Variants in CAB39L observed in about 807,000 individuals in gnomAD.
The protein encoded by CAB39L is calcium binding protein 39 like.
Under a neutral mutation model 39.1 loss-of-function variants are expected in CAB39L, and 23 were observed. The observed-to-expected ratio is 0.59, with a 90% CI of 0.42 to 0.83. CAB39L has a LOEUF of 0.83. Ranked by LOEUF, CAB39L falls within the 40% of genes least tolerant of loss-of-function variation. CAB39L has a pLI of 0.00. For missense variants in CAB39L, 366 were observed against 391.9 expected (o/e 0.93, Z 0.56); for synonymous variants, 126 against 137.2 (o/e 0.92, Z 0.57).
At chr13:49,361,706 T>C (rs1007574223) in intron 5 of CAB39L, among the ~76,000 whole-genome samples, 1 of 152,160 alleles carries the variant, frequency 6.6e-6, no homozygotes, top group African/African-American at 2.4e-5. Flanking sequence ...GCACCACATA[T>C]ACACAACATT....
At chr13:49,436,420 T>C (rs984013434) in intron 1 of CAB39L, among the ~76,000 whole-genome samples, 3 of 152,152 alleles carry the variant, frequency 2.0e-5, no homozygotes, top group African/African-American at 7.2e-5. Context: ...AATCACTTTC[T>C]ATTACTTTTT....
At chr13:49,439,214 C>T (rs1376015066) in intron 1 of CAB39L, among the ~76,000 whole-genome samples, 1 of 152,152 alleles carries the variant, frequency 6.6e-6, no homozygotes, top group Non-Finnish European at 1.5e-5. Flanking sequence ...GCTCTCATTG[C>T]ACCTCCTTCT....
intron 1 of CAB39L, among the ~76,000 whole-genome samples, chr13:49,437,687 G>C (rs1374231214): frequency 6.6e-6 from 1 of 152,134 alleles, no homozygotes; most frequent in Non-Finnish European, 1.5e-5. Flanking sequence ...CATTTTGCTA[G>C]CTATTAATGT....
intron 10 of CAB39L, among the ~76,000 whole-genome samples, chr13:49,312,229 A>T (rs6561518): frequency 0.035 from 5,359 of 152,154 alleles, 313 homozygotes; most frequent in African/African-American, 0.12. Context: ...AAGAAAAAAA[A>T]TTTTTTAAAT....
intron 3 of CAB39L, among the ~76,000 whole-genome samples, chr13:49,407,022 C>T (rs1956895128): frequency 6.6e-6 from 1 of 152,068 alleles, no homozygotes; most frequent in Non-Finnish European, 1.5e-5. Context: ...TTGTTATTCA[C>T]AATTGAAAGA....
At chr13:49,395,564 G>T (rs1310261078) in intron 3 of CAB39L, among the ~76,000 whole-genome samples, 2 of 151,952 alleles carry the variant, frequency 1.3e-5, no homozygotes, top group African/African-American at 2.4e-5. Context: ...ATTCAAACAT[G>T]ATTTCTTTGG....
At chr13:49,314,808 TACCTGA>T (rs1307974401) in intron 10 of CAB39L, among the ~76,000 whole-genome samples, 1 of 152,218 alleles carries the variant, frequency 6.6e-6, no homozygotes, top group Non-Finnish European at 1.5e-5. Flanking sequence ...ATGATAACAG[TACCTGA>T]GTGCCATTAG....
intron 3 of CAB39L, chr13:49,420,502 T>C (rs779252401): frequency 9.8e-5 from 15 of 152,298 alleles, no homozygotes; most frequent in Non-Finnish European, 1.8e-4. Flanking sequence ...TGCCAAACAG[T>C]ATAAAAGCTC....
Position 49,403,312 on chromosome 13 carries a change from T to A in CAB39L, c.-31-20371A>T, listed in dbSNP as rs537277335. 4.6e-5 allele frequency among the ~76,000 whole-genome samples: 7 copies of A among 152,186 alleles called. No homozygotes were observed. In the South Asian group the frequency reaches 1.0e-3, roughly 23 times the overall value. On this transcript the variant is annotated intron_variant, in intron 3 of 10. Transcript: ENST00000409308. ...TTGTTCTGGTCCCTCTTAATAGAGATTAAAAGTAAGCCCCGAAAGGATCGA... is the reference window on the plus strand; with the variant it reads ...TTGTTCTGGTCCCTCTTAATAGAGAATAAAAGTAAGCCCCGAAAGGATCGA...
Position 49,345,273 on chromosome 13 carries a change from A to G in CAB39L, c.565-1035T>C, listed in dbSNP as rs182654511. On this transcript the variant is annotated intron_variant, in intron 7 of 10. Transcript: ENST00000409308. Reference sequence around the variant, plus strand: ...GAAAAGGCAGATAACAACCATAATAAAACCCACTTATTTCTACTTTAATTT... The same window carrying G: ...GAAAAGGCAGATAACAACCATAATAGAACCCACTTATTTCTACTTTAATTT... Among the ~76,000 whole-genome samples, 3 of 152,348 alleles carry G rather than the reference A, an allele frequency of 2.0e-5. No individual in the cohort carries two copies. In the East Asian group the frequency reaches 5.8e-4, roughly 29 times the overall value.
intron 10 of CAB39L, among the ~76,000 whole-genome samples, chr13:49,316,508 G>A (rs1277531421): frequency 1.3e-5 from 2 of 151,958 alleles, no homozygotes; most frequent in Non-Finnish European, 2.9e-5. Flanking sequence ...CAAAGCCAGA[G>A]AAAAACAACA....
chr13:49,319,830 T>TA (rs61633162), intron 10 of CAB39L, among the ~76,000 whole-genome samples: 1,844 of 126,230 alleles, frequency 0.015, 44 homozygotes, highest in African/African-American at 0.044. Flanking sequence ...CTTTCTTTCT[T>TA]AAAAAAAAAA....
chr13:49,335,615 C>T (rs987304522), intron 9 of CAB39L, among the ~76,000 whole-genome samples: 3 of 152,066 alleles, frequency 2.0e-5, no homozygotes, highest in African/African-American at 4.8e-5. Flanking sequence ...AGCCATGCAG[C>T]AAGTGGAAAT....
chr13:49,432,329 T>A (rs991706587), intron 3 of CAB39L, among the ~76,000 whole-genome samples: 1 of 152,046 alleles, frequency 6.6e-6, no homozygotes, highest in Non-Finnish European at 1.5e-5. Flanking sequence ...AGAGACAGGG[T>A]TTCACTATAT....
intron 9 of CAB39L, among the ~76,000 whole-genome samples, chr13:49,333,633 G>A (rs376086994): frequency 4.2e-5 from 6 of 143,852 alleles, no homozygotes; most frequent in African/African-American, 1.3e-4. Flanking sequence ...GTGCAGTGGC[G>A]CGATCTCGGC....
chr13:49,392,584 T>G (rs567044438), intron 3 of CAB39L, among the ~76,000 whole-genome samples: 15 of 152,128 alleles, frequency 9.9e-5, no homozygotes. Flanking sequence ...GAGGTTGCAG[T>G]GAGCCGAGAT....
intron 9 of CAB39L, among the ~76,000 whole-genome samples, chr13:49,333,173 A>G (rs934184106): frequency 2.6e-5 from 4 of 152,188 alleles, no homozygotes; most frequent in Non-Finnish European, 5.9e-5. Flanking sequence ...TCAAACCTGA[A>G]AAAAGGATGA....
At position 49,405,932 on chromosome 13, in the gene CAB39L, C is replaced by CTCAT. The variant is rs546842132; in HGVS notation, c.-31-22995_-31-22992dup. ...CACAGAAAGACAAACTTCACATGTT[C>CTCAT]TCATTCATTTGTGGGAGTTAAAAAT... On this transcript the variant is annotated intron_variant, in intron 3 of 10. Transcript: ENST00000409308. Among the ~76,000 whole-genome samples the CTCAT allele has an allele frequency of 9.2e-5, 14 of 152,088 alleles. No homozygotes were observed. The South Asian group carries it at 2.7e-3, about 29-fold the overall frequency.
intron 5 of CAB39L, among the ~76,000 whole-genome samples, 169 bp from the exon 6 acceptor site, chr13:49,360,001 T>G (rs1456985377): frequency 6.6e-6 from 1 of 152,196 alleles, no homozygotes; most frequent in Non-Finnish European, 1.5e-5. Flanking sequence ...CAAGCTGTGC[T>G]TGCAAACACA....
Sources: allele counts gnomAD v4.1 joint callset (sites outside exome capture counted in the v4.1 genomes callset), GRCh38; gene constraint gnomAD v4.1.1; transcripts MANE v1.5; gene names NCBI Gene and HGNC (gene_info 2026-07-23, HGNC 2026-07-21).